ISG20: variants seen among roughly 807,000 people sequenced by gnomAD.
ISG20 encodes interferon-stimulated gene 20 kDa protein.
Under a neutral mutation model 11.1 loss-of-function variants are expected in ISG20, and 8 were observed. The observed-to-expected ratio is 0.72, with a 90% CI of 0.42 to 1.30. The LOEUF (loss-of-function observed/expected upper bound fraction) is 1.30. Among genes scored for constraint, ISG20 ranks in the 50% most tolerant of loss-of-function variants. ISG20 has a pLI of 0.01. For missense variants in ISG20, 243 were observed against 250.2 expected (o/e 0.97, Z 0.19); for synonymous variants, 110 against 101.7 (o/e 1.08, Z -0.49).
chr15:88,651,910 A>G, intron 2 of ISG20, 200 bp from the exon 3 acceptor site: 1 of 1,412,662 alleles, frequency 7.1e-7, no homozygotes, highest in Non-Finnish European at 9.2e-7. Flanking sequence ...GGCTTTTGGC[A>G]CAGAATGAAA....
At position 88,646,648 on chromosome 15, in the gene ISG20, C is replaced by T. The variant is rs367768348; in HGVS notation, c.229-5462C>T. Among the ~76,000 whole-genome samples, 128 of 152,308 alleles carry T rather than the reference C, an allele frequency of 8.4e-4. 3 individuals are homozygous for T. In the South Asian group the frequency reaches 0.023, roughly 27 times the overall value. On this transcript the variant is annotated intron_variant, in intron 2 of 3. Coordinates refer to ENST00000306072, the MANE Select transcript of ISG20 (RefSeq NM_002201.6). ...CAAAGACAGATCAGGCTCACGGGCC[C>T]CCAAATGTGCTGAGGGCCCCCAAAG...
intron 2 of ISG20, chr15:88,651,069 C>T (rs898026799): frequency 4.9e-5 from 19 of 383,922 alleles, no homozygotes; most frequent in African/African-American, 2.0e-4. Context: ...GGCTGGTGGC[C>T]GGACTTCTTA....
chr15:88,642,976 C>T (rs2058107924), intron 2 of ISG20, among the ~76,000 whole-genome samples: 1 of 152,072 alleles, frequency 6.6e-6, no homozygotes. Flanking sequence ...GTAATCCCAA[C>T]ACTTTGGGAG....
At chr15:88,648,315 C>T (rs2058213282) in intron 2 of ISG20, 2 of 152,308 alleles carry the variant, frequency 1.3e-5, no homozygotes, top group Non-Finnish European at 1.5e-5. Context: ...GAAGAATCCC[C>T]TGAAACAGTT....
chr15:88,651,116 C>A, intron 2 of ISG20: 1 of 787,476 alleles, frequency 1.3e-6, no homozygotes, highest in Non-Finnish European at 1.5e-6. Flanking sequence ...AGAAGTCATA[C>A]AGGCCAGCCC....
chr15:88,648,266 G>T (rs1401707540), intron 2 of ISG20: 3 of 152,304 alleles, frequency 2.0e-5, no homozygotes, highest in African/African-American at 7.2e-5. Context: ...GGACTGCTCA[G>T]CGGGATTCAG....
intron 2 of ISG20, among the ~76,000 whole-genome samples, chr15:88,644,693 A>G (rs2058141045): frequency 6.6e-6 from 1 of 152,184 alleles, no homozygotes; most frequent in Non-Finnish European, 1.5e-5. Context: ...TGAGGGCAAC[A>G]TGAAGAAGAG....
rs1293242652 is a variant in ISG20 at position 88,656,222 on chromosome 15, A to T, written c.*691A>T. 1 of 152,148 alleles carries T rather than the reference A, an allele frequency of 6.6e-6. No homozygotes were observed. The highest frequency in any genetic ancestry group is 1.5e-5 in the Non-Finnish European group (1 of 68,052). The allele number at this position is 152,148 out of a possible 1,614,324, so 9.4% of individuals were successfully genotyped here. ...TGTTGCAGGCAAAGCCCCCAGCACC[A>T]TGCCTGTCCTAGCTTAAGCACCCAC... On this transcript the variant is annotated 3_prime_UTR_variant, in exon 4 of 4. Transcript: ENST00000306072.
intron 2 of ISG20, among the ~76,000 whole-genome samples, chr15:88,641,516 T>G (rs1040752616): frequency 3.9e-5 from 6 of 152,172 alleles, no homozygotes; most frequent in Admixed American, 1.3e-4. Context: ...TCTCCCAGAT[T>G]CTAGGGGTTG....
At chr15:88,646,917 T>A (rs2058184315) in intron 2 of ISG20, 1 of 152,320 alleles carries the variant, frequency 6.6e-6, no homozygotes, top group Non-Finnish European at 1.5e-5. Context: ...ATTACAGGCA[T>A]GTGCCACCAT....
chr15:88,639,487 A>C lies in ISG20; in HGVS notation c.121A>C (p.Lys41Gln), dbSNP rs759880476. 1.9e-6 allele frequency: 3 copies of C among 1,614,112 alleles called. No individual in the cohort carries two copies. Among genetic ancestry groups the C allele is most frequent in the Non-Finnish European group, 2.5e-6 (3 of 1,180,016 alleles). The change falls in exon 2 of 4, where the codon AAG becomes CAG. Residue 41 changes from lysine (K) to glutamine (Q), a missense_variant. Transcript: ENST00000306072. This position sits in a 1 kb window ranked among gnomAD's most constrained non-coding sequence, Gnocchi z 4.2. The stretch of plus-strand genomic sequence containing the variant: ...CGTCCACGGTGCTGTGCTGTACGAC[A>C]AGTTCATCCGGCCTGAGGGAGAGAT... ...VNVHGAVLYD[K>Q]FIRPEGEITD...
At chr15:88,646,683 CTAACAGCCCTT>C (rs2058179692) in intron 2 of ISG20, among the ~76,000 whole-genome samples, 3 of 152,220 alleles carry the variant, frequency 2.0e-5, no homozygotes, top group Admixed American at 2.0e-4. Flanking sequence ...GGGCAGAAGC[CTAACAGCCCTT>C]TTATGAGATC....
chr15:88,639,331 C>G lies in ISG20; in HGVS notation c.-24-12C>G, dbSNP rs1294826747. On this transcript the variant is annotated splice_polypyrimidine_tract_variant and intron_variant, in intron 1 of 3. Coordinates refer to ENST00000306072, the MANE Select transcript of ISG20 (RefSeq NM_002201.6). The surrounding 1 kb of genome is among the most constrained non-coding windows in gnomAD (Gnocchi z 4.2). ...CCAAGCGTGAGACCGCCCCCCATAC[C>G]CCTCTCTCCAGCATCTCTGAGGGTC... 3 of 1,529,862 alleles carry G rather than the reference C, an allele frequency of 2.0e-6. No individual in the cohort carries two copies. Among genetic ancestry groups the G allele is most frequent in the African/African-American group, 2.7e-5 (2 of 72,896 alleles). The allele number at this position is 1,529,862 out of a possible 1,614,324, so 94.8% of individuals were successfully genotyped here.
chr15:88,643,311 A>G lies in ISG20; in HGVS notation c.228+3717A>G, dbSNP rs1309067962. On this transcript the variant is annotated intron_variant, in intron 2 of 3. Transcript: ENST00000306072. This position sits in a 1 kb window ranked among gnomAD's most constrained non-coding sequence, Gnocchi z 4.4. ...ACTTTTATATTGATTACCTGTTGAA[A>G]TGATAGTATTTTGGATATGTTAGGT... Among the ~76,000 whole-genome samples the G allele has an allele frequency of 6.6e-6, 1 of 152,206 alleles. No homozygotes were observed. The highest frequency in any genetic ancestry group is 1.5e-5 in the Non-Finnish European group (1 of 68,038).
chr15:88,655,127 C>T (rs902878343), intron 3 of ISG20, among the ~76,000 whole-genome samples: 5 of 152,266 alleles, frequency 3.3e-5, no homozygotes, highest in African/African-American at 9.6e-5. Context: ...GTGTGTCTGA[C>T]AGCAAGTCTG....
At chr15:88,653,717 G>T (rs1445263587) in intron 3 of ISG20, among the ~76,000 whole-genome samples, 2 of 60,968 alleles carry the variant, frequency 3.3e-5, no homozygotes, top group Non-Finnish European at 6.9e-5. Context: ...CCTCCCGCCC[G>T]CCCCCGCTCA....
rs1000119046 is a variant in ISG20 at position 88,656,015 on chromosome 15, C to G, written c.*484C>G. 1 of 152,440 alleles carries G rather than the reference C, an allele frequency of 6.6e-6. No individual in the cohort carries two copies. Among genetic ancestry groups the G allele is most frequent in the African/African-American group, 2.4e-5 (1 of 41,394 alleles). The allele number at this position is 152,440 out of a possible 1,614,324, so 9.4% of individuals were successfully genotyped here. A position where few individuals can be genotyped will look rare whatever the true frequency, so the allele number is the denominator to read the frequency against. Reference sequence around the variant, plus strand: ...AGGGTGCCACCCCGGCAACCTTGAGCAAGTCACCCCTCCTATTTGTAAAAT... The same window carrying G: ...AGGGTGCCACCCCGGCAACCTTGAGGAAGTCACCCCTCCTATTTGTAAAAT... On this transcript the variant is annotated 3_prime_UTR_variant, in exon 4 of 4. Transcript: ENST00000306072.
rs2058035720 is a variant in ISG20, at chr15:88,639,167, C to T, written c.-25+91C>T. ...GCGGGGCAGGCCAGAGGCCCTGGGA[C>T]ACACGGGCAGGGTAAGGCAGGGGAT... On this transcript the variant is annotated intron_variant, in intron 1 of 3. Coordinates refer to ENST00000306072, the MANE Select transcript of ISG20 (RefSeq NM_002201.6). This position sits in a 1 kb window ranked among gnomAD's most constrained non-coding sequence, Gnocchi z 4.2. 1.0e-5 allele frequency: 6 copies of T among 596,282 alleles called. No individual in the cohort carries two copies. Among genetic ancestry groups the T allele is most frequent in the South Asian group, 1.0e-4 (5 of 49,840 alleles). The allele number at this position is 596,282 out of a possible 1,614,324, so 36.9% of individuals were successfully genotyped here. A position where few individuals can be genotyped will look rare whatever the true frequency, so the allele number is the denominator to read the frequency against.
chr15:88,638,479 C>T (rs1235752835), upstream of ISG20, among the ~76,000 whole-genome samples: 2 of 152,182 alleles, frequency 1.3e-5, no homozygotes, highest in Admixed American at 6.5e-5. Context: ...CTGGAACCCA[C>T]GGAGGCCTGT....
Sources: gnomAD v4.1 joint callset for allele counts (sites outside exome capture counted in the v4.1 genomes callset) on GRCh38, gnomAD v4.1.1 for gene constraint, Gnocchi (gnomAD v3.1) non-coding constraint, MANE v1.5 for transcripts, NCBI Gene and HGNC (gene_info 2026-07-23, HGNC 2026-07-21) for gene names.